The following GPR158 variants were observed in gnomAD, a reference collection of about 807,000 sequenced individuals.
GPR158 encodes the protein G protein-coupled receptor 158.
In GPR158, 30 loss-of-function variants were observed where a neutral mutation model predicts 78.2. That is an observed-to-expected ratio of 0.38 (90% confidence interval 0.29 to 0.52). GPR158 has a LOEUF of 0.52. Ranked by LOEUF, GPR158 falls within the 20% of genes least tolerant of loss-of-function variation. The pLI, the probability that GPR158 is intolerant of heterozygous loss-of-function variation, is 0.83. For missense variants in GPR158, 1,463 were observed against 1,523.5 expected (o/e 0.96, Z 0.66); for synonymous variants, 581 against 591.1 (o/e 0.98, Z 0.25).
At chr10:25,382,278 C>G (rs377075269) in intron 2 of GPR158, among the ~76,000 whole-genome samples, 15 of 152,334 alleles carry the variant, frequency 9.8e-5, no homozygotes, top group African/African-American at 3.4e-4. Context: ...TCTCAGCCCC[C>G]ACAAGGCATC....
intron 8 of GPR158, among the ~76,000 whole-genome samples, chr10:25,591,312 A>G (rs1468667072): frequency 1.3e-5 from 2 of 152,256 alleles, no homozygotes; most frequent in Admixed American, 1.3e-4. Flanking sequence ...CTCACTTGAC[A>G]TTTGATAACA....
In GPR158 at chr10:25,491,653, A is replaced by T. The variant is rs576969062; in HGVS notation, c.1404+24934A>T. On this transcript the variant is annotated intron_variant, in intron 5 of 10. Transcript: ENST00000376351. ...TCTTGATGGGTTTTGTATTATAAAA[A>T]TACTTATTTTAGAAAAATTAGGAAT... Among the ~76,000 whole-genome samples the T allele has an allele frequency of 2.0e-5, 3 of 152,334 alleles. No individual in the cohort carries two copies. In the East Asian group the frequency reaches 5.8e-4, roughly 29 times the overall value.
intron 5 of GPR158, among the ~76,000 whole-genome samples, chr10:25,522,469 C>G (rs74124056): frequency 0.019 from 2,854 of 152,256 alleles, 90 homozygotes; most frequent in African/African-American, 0.065. Flanking sequence ...GCAATGCCAA[C>G]TTCCATCAAA....
chr10:25,596,504 T>TATCTATATATATAG (rs1192962205), intron 9 of GPR158, 139 bp from the exon 10 acceptor site: 1 of 587,912 alleles, frequency 1.7e-6, no homozygotes, highest in African/African-American at 1.9e-5. Flanking sequence ...TCTATCTATC[T>TATCTATATATATAG]ATCTATATAT....
chr10:25,335,471 C>A (rs1458424838), intron 2 of GPR158, among the ~76,000 whole-genome samples: 2 of 151,934 alleles, frequency 1.3e-5, no homozygotes, highest in African/African-American at 4.8e-5. Context: ...CATGCTAATT[C>A]CAATAGTCCA....
In GPR158 at chr10:25,367,190, G is replaced by A. The variant is rs528088564; in HGVS notation, c.1009-28721G>A. Among the ~76,000 whole-genome samples, 7 of 151,666 alleles carry A rather than the reference G, an allele frequency of 4.6e-5. 1 individual carries two copies. The South Asian group carries it at 1.5e-3, about 31-fold the overall frequency. On this transcript the variant is annotated intron_variant, in intron 2 of 10. Transcript: ENST00000376351. ...TTTTTATATGTGCTGGGAAGTAGGG[G>A]AAAATTTTATATTTCTACATAGGGC...
chr10:25,268,503 G>T (rs1439649736), intron 2 of GPR158, among the ~76,000 whole-genome samples: 1 of 152,040 alleles, frequency 6.6e-6, no homozygotes, highest in Non-Finnish European at 1.5e-5. Flanking sequence ...TATATAAATT[G>T]TACCTCAGTG....
rs921686911 is a variant in GPR158, at chr10:25,476,849, G to T, written c.1404+10130G>T. 3.3e-5 allele frequency among the ~76,000 whole-genome samples: 5 copies of T among 152,210 alleles called. No individual in the cohort carries two copies. The East Asian group carries it at 9.7e-4, about 29-fold the overall frequency. ...TCATTAGGAAACAAAAGGCACAGAG[G>T]ATGACTGAAACCAGGAATCAATTCA... On this transcript the variant is annotated intron_variant, in intron 5 of 10. Coordinates refer to ENST00000376351, the MANE Select transcript of GPR158 (RefSeq NM_020752.3).
rs545020136 is a variant in GPR158 at position 25,255,237 on chromosome 10, A to G, written c.1008+34080A>G. Among the ~76,000 whole-genome samples, 10 of 152,352 alleles carry G rather than the reference A, an allele frequency of 6.6e-5. No homozygotes were observed. The South Asian group carries it at 2.1e-3, about 32-fold the overall frequency. On this transcript the variant is annotated intron_variant, in intron 2 of 10. Coordinates refer to ENST00000376351, the MANE Select transcript of GPR158 (RefSeq NM_020752.3). ...TTGTTATTCTGTTAGGTTCCCTTAC[A>G]GCTTTCAGTGTAGCTCAGTTCAGCT...
intron 2 of GPR158, among the ~76,000 whole-genome samples, chr10:25,280,482 A>G (rs959608791): frequency 1.3e-5 from 2 of 152,236 alleles, no homozygotes; most frequent in East Asian, 1.9e-4. Flanking sequence ...GCAAAAATTG[A>G]TAGAATTTCT....
intron 9 of GPR158, 91 bp downstream of exon 9, chr10:25,594,488 T>C: frequency 1.8e-6 from 1 of 544,396 alleles, no homozygotes; most frequent in Non-Finnish European, 3.2e-6. Context: ...GGTATGGAAA[T>C]TTGCTTAATA....
At position 25,526,110 on chromosome 10, in the gene GPR158, A is replaced by G. The variant is rs1962081; in HGVS notation, c.1405-24866A>G. On this transcript the variant is annotated intron_variant, in intron 5 of 10. Coordinates refer to ENST00000376351, the MANE Select transcript of GPR158 (RefSeq NM_020752.3). ...CGACAGTCCAATTTTGTCTAAAAAA[A>G]AAAAAAAAAAAAAAAAAAAAAGTCA... is the stretch of plus-strand genomic sequence containing the variant. Among the ~76,000 whole-genome samples, 393 of 124,370 alleles carry G rather than the reference A, an allele frequency of 3.2e-3. 1 individual carries two copies. Among genetic ancestry groups the G allele is most frequent in the Non-Finnish European group, 3.3e-3 (187 of 56,508 alleles). 81.6% of individuals were successfully genotyped at this position (124,370 alleles called of 152,430 possible). A position where few individuals can be genotyped will look rare whatever the true frequency, so the allele number is the denominator to read the frequency against.
chr10:25,474,556 C>G (rs141079309), intron 5 of GPR158, among the ~76,000 whole-genome samples: 1 of 152,270 alleles, frequency 6.6e-6, no homozygotes, highest in African/African-American at 2.4e-5. Flanking sequence ...CTCATGGAAT[C>G]CTGCTCTTTC....
At chr10:25,456,796 ATAT>A (rs1297533088) in intron 4 of GPR158, among the ~76,000 whole-genome samples, 2 of 152,166 alleles carry the variant, frequency 1.3e-5, no homozygotes, top group Admixed American at 6.5e-5. Flanking sequence ...AAACTCACTA[ATAT>A]TTGAGTTTAT....
At chr10:25,283,957 C>G (rs1276486546) in intron 2 of GPR158, among the ~76,000 whole-genome samples, 1 of 152,022 alleles carries the variant, frequency 6.6e-6, no homozygotes, top group Non-Finnish European at 1.5e-5. Flanking sequence ...GCTAGTTGAA[C>G]TACTGTGTGG....
intron 2 of GPR158, among the ~76,000 whole-genome samples, chr10:25,233,644 T>C (rs1419316190): frequency 2.0e-5 from 3 of 152,232 alleles, no homozygotes; most frequent in African/African-American, 7.2e-5. Context: ...AATGCAGTCA[T>C]TTTCAAAGTG....
At chr10:25,235,406 C>T (rs1411319451) in intron 2 of GPR158, among the ~76,000 whole-genome samples, 2 of 149,468 alleles carry the variant, frequency 1.3e-5, no homozygotes, top group East Asian at 3.9e-4. Flanking sequence ...TATCTTCTCA[C>T]ATGGTTATTT....
intron 5 of GPR158, among the ~76,000 whole-genome samples, chr10:25,521,261 G>C (rs978869786): frequency 7.9e-5 from 12 of 152,298 alleles, no homozygotes; most frequent in Admixed American, 3.3e-4. Context: ...TGCGCCCACT[G>C]TCTGGCACTC....
Position 25,598,029 on chromosome 10 carries a change from A to C in GPR158, c.2403A>C (p.Lys801Asn). ...CAGAGTCTTCAGGGAACACAGGGAA[A>C]TCCAAGGAGGAGACCCTGAAAAACC... ...NPPESSGNTG[K>N]SKEETLKNRV... is the part of the protein sequence containing the mutation. Residue 801 changes from lysine to asparagine, a missense_variant, in exon 11 of 11, where the codon AAA (lysine) becomes AAC (asparagine). Lys to Asn is a moderately conservative substitution (Grantham distance 94). Coordinates refer to ENST00000376351, the MANE Select transcript of GPR158 (RefSeq NM_020752.3). 15 of 1,614,094 alleles carry C rather than the reference A, an allele frequency of 9.3e-6. No individual in the cohort carries two copies. The highest frequency in any genetic ancestry group is 1.3e-5 in the Non-Finnish European group (15 of 1,180,016).
Sources: allele counts gnomAD v4.1 joint callset (sites outside exome capture counted in the v4.1 genomes callset), GRCh38; gene constraint gnomAD v4.1.1; transcripts MANE v1.5; gene names NCBI Gene and HGNC (gene_info 2026-07-23, HGNC 2026-07-21).